Variants in CD3E observed in about 807,000 individuals in gnomAD.
The protein encoded by CD3E is T-cell surface glycoprotein CD3 epsilon chain.
A neutral mutation model predicts 34.7 loss-of-function variants in CD3E; 16 were observed. The observed-to-expected ratio is 0.46, with a 90% CI of 0.31 to 0.70. The LOEUF (loss-of-function observed/expected upper bound fraction) is 0.70. Ranked by LOEUF, CD3E falls within the 30% of genes least tolerant of loss-of-function variation. The probability of loss-of-function intolerance (pLI) is 0.05; values close to 1 mark genes in which losing one functional copy is unlikely to be tolerated. For synonymous variants in CD3E, 70 were observed against 90.8 expected, an observed-to-expected ratio of 0.77 and a Z score of 1.30; for missense variants, 223 against 253.9, an observed-to-expected ratio of 0.88 and a Z score of 0.83.
chr11:118,307,239 G>A (rs202037788), intron 2 of CD3E, 49 bp from the exon 3 acceptor site: 21 of 1,480,808 alleles, frequency 1.4e-5, no homozygotes, highest in East Asian at 2.3e-5. Context: ...TAGGAATGCA[G>A]GTACCCACAA....
chr11:118,314,832 C>T (rs1565511904), intron 8 of CD3E, among the ~76,000 whole-genome samples: 2 of 151,940 alleles, frequency 1.3e-5, no homozygotes, highest in South Asian at 4.2e-4. Context: ...CCAGCATGCA[C>T]CAGTATAGCG....
At chr11:118,313,255 G>C (rs1348627625) in intron 6 of CD3E, 3 of 352,926 alleles carry the variant, frequency 8.5e-6, no homozygotes, top group Non-Finnish European at 1.6e-5. Flanking sequence ...AATGGCATAA[G>C]CTAAGGTATA....
intron 2 of CD3E, 21 bp from the exon 3 acceptor site, chr11:118,307,267 T>C: frequency 6.3e-7 from 1 of 1,598,800 alleles, no homozygotes; most frequent in Non-Finnish European, 8.6e-7. Flanking sequence ...TAACACTTTT[T>C]TTTTCTTATT....
Position 118,304,907 on chromosome 11 carries a change from G to A in CD3E, c.-46G>A, listed in dbSNP as rs756055604. The A allele has an allele frequency of 1.3e-6, 2 of 1,583,518 alleles. No homozygotes were observed. The highest frequency in any genetic ancestry group is 2.2e-5 in the South Asian group (2 of 90,448). On this transcript the variant is annotated 5_prime_UTR_variant, in exon 2 of 9. Coordinates refer to ENST00000361763, the MANE Select transcript of CD3E (RefSeq NM_000733.4). ...CTTTTTTTCCAGAAGTAGTAAGTCT[G>A]CTGGCCTCCGCCATCTTAGTAAAGT...
At position 118,315,698 on chromosome 11, in the gene CD3E, C is replaced by G; in HGVS notation, c.*156C>G. On this transcript the variant is annotated 3_prime_UTR_variant, in exon 9 of 9. Transcript: ENST00000361763. ...CTCCAGCCTGATCCCCCGCTCCCTC[C>G]TCCCTGCCTTCTCTGCTGGTACCCA... 1.4e-6 allele frequency: 1 copy of G among 695,866 alleles called. No homozygotes were observed. Among genetic ancestry groups the G allele is most frequent in the Non-Finnish European group, 2.6e-6 (1 of 385,544 alleles). 43.1% of individuals were successfully genotyped at this position (695,866 alleles called of 1,614,324 possible). A position where few individuals can be genotyped will look rare whatever the true frequency, so the allele number is the denominator to read the frequency against.
rs946824844 is a variant in CD3E at position 118,313,647 on chromosome 11, C to T, written c.353-60C>T. On this transcript the variant is annotated intron_variant, in intron 6 of 8. Coordinates refer to ENST00000361763, the MANE Select transcript of CD3E (RefSeq NM_000733.4). ...GCCTTCATGCACTCCCTCCTCACCT[C>T]CAGCGCCTTGTGTTTTCCTTGCTTA... The T allele has an allele frequency of 2.7e-5, 41 of 1,544,216 alleles. No individual in the cohort carries two copies. The South Asian group carries it at 3.9e-4, about 15-fold the overall frequency.
chr11:118,305,023 G>A (rs1319268659), intron 2 of CD3E, 22 bp downstream of exon 2: 1 of 1,612,136 alleles, frequency 6.2e-7, no homozygotes, highest in Non-Finnish European at 8.5e-7. Context: ...GGAGTGGAAA[G>A]GGTGGTGTGT....
In CD3E at chr11:118,308,440, G is replaced by A. The variant is rs1948119276; in HGVS notation, c.84G>A (p.Met28Ile). ...TTTCCTTTTCAGGTAATGAAGAAAT[G>A]GGTAAGAAGATTTCCACTCTATCTA... The part of the protein sequence containing the change: ...GVWGQDGNEE[M>I]GGITQTPYKV... The change falls in exon 4 of 9, where the codon ATG becomes ATA. Residue 28 changes from methionine (M) to isoleucine (I), a missense_variant and splice_region_variant. Transcript: ENST00000361763. 6.3e-7 allele frequency: 1 copy of A among 1,589,454 alleles called. No homozygotes were observed. Among genetic ancestry groups the A allele is most frequent in the Non-Finnish European group, 8.6e-7 (1 of 1,160,098 alleles).
rs575942416 is a variant in CD3E, at chr11:118,312,786, A to G, written c.272A>G (p.Glu91Gly). The G allele has an allele frequency of 3.7e-6, 6 of 1,614,208 alleles. No homozygotes were observed. Among genetic ancestry groups the G allele is most frequent in the Non-Finnish European group, 5.1e-6 (6 of 1,180,036 alleles). ...TCACTGAAGGAATTTTCAGAATTGG[A>G]GCAAAGTGGTTATTATGTCTGCTAC... The part of the protein sequence containing the change: ...HLSLKEFSEL[E>G]QSGYYVCYPR... Residue 91 changes from glutamate (E) to glycine (G), a missense_variant, in exon 6 of 9, where the codon GAG becomes GGG. Coordinates refer to ENST00000361763, the MANE Select transcript of CD3E (RefSeq NM_000733.4).
intron 4 of CD3E, among the ~76,000 whole-genome samples, chr11:118,311,858 T>C (rs770521230): frequency 5.9e-5 from 9 of 152,220 alleles, no homozygotes; most frequent in Non-Finnish European, 1.0e-4. Flanking sequence ...TTTTCGGCTT[T>C]AGGACTTTAA....
At position 118,313,696 on chromosome 11, in the gene CD3E, A is replaced by T. The variant is rs199933802; in HGVS notation, c.353-11A>T. 835 of 1,609,822 alleles carry T rather than the reference A, an allele frequency of 5.2e-4. 10 individuals carry two copies. In the South Asian group the frequency reaches 8.6e-3, roughly 17 times the overall value. On this transcript the variant is annotated splice_polypyrimidine_tract_variant and intron_variant, in intron 6 of 8. Transcript: ENST00000361763. Reference sequence around the variant, plus strand: ...TAGTGATTTCCCCTCTCCCCACCCCACCCCCCACAGTGTGTGAGAACTGCA... The same window carrying T: ...TAGTGATTTCCCCTCTCCCCACCCCTCCCCCCACAGTGTGTGAGAACTGCA...
intron 4 of CD3E, 85 bp downstream of exon 4, chr11:118,308,526 G>A: frequency 2.3e-6 from 2 of 884,572 alleles, no homozygotes; most frequent in Non-Finnish European, 1.9e-6. Context: ...AACAAACCCT[G>A]AGAACTAAAA....
At chr11:118,312,455 C>A in intron 5 of CD3E, 163 bp from the exon 6 acceptor site, 1 of 834,666 alleles carries the variant, frequency 1.2e-6, no homozygotes, top group East Asian at 2.4e-5. Context: ...TTCCACATAT[C>A]TCCTCTTCCA....
chr11:118,314,705 TGGA>T (rs2134768968), intron 8 of CD3E, among the ~76,000 whole-genome samples: 1 of 152,018 alleles, frequency 6.6e-6, no homozygotes, highest in South Asian at 2.1e-4. Context: ...CATGGAGAGG[TGGA>T]AGCTTGCAGG....
intron 8 of CD3E, among the ~76,000 whole-genome samples, chr11:118,314,812 T>C (rs2134769072): frequency 6.6e-6 from 1 of 152,300 alleles, no homozygotes; most frequent in East Asian, 1.9e-4. Flanking sequence ...AATTCTGGGC[T>C]GATATTCCAC....
At chr11:118,315,461 C>T (rs376024825) in intron 8 of CD3E, 25 bp from the exon 9 acceptor site, 19 of 1,608,424 alleles carry the variant, frequency 1.2e-5, no homozygotes, top group East Asian at 8.9e-5. Context: ...CACCACTGAC[C>T]GCCCCCTCTC....
At chr11:118,311,173 G>A (rs1948133690) in intron 4 of CD3E, among the ~76,000 whole-genome samples, 1 of 152,236 alleles carries the variant, frequency 6.6e-6, no homozygotes, top group African/African-American at 2.4e-5. Context: ...GGCAGATCCA[G>A]GATTCAAACT....
chr11:118,313,054 A>G, intron 6 of CD3E, 188 bp downstream of exon 6: 1 of 704,590 alleles, frequency 1.4e-6, no homozygotes, highest in Non-Finnish European at 2.5e-6. Context: ...ATTAAACACC[A>G]ATATGAGGCT....
chr11:118,314,307 A>G, intron 7 of CD3E, 141 bp from the exon 8 acceptor site: 1 of 722,276 alleles, frequency 1.4e-6, no homozygotes, highest in South Asian at 1.6e-5. Context: ...AAAAAGAGAA[A>G]GGACGTCTGA....
Sources: gnomAD v4.1 joint callset for allele counts (sites outside exome capture counted in the v4.1 genomes callset) on GRCh38, gnomAD v4.1.1 for gene constraint, MANE v1.5 for transcripts, NCBI Gene and HGNC (gene_info 2026-07-23, HGNC 2026-07-21) for gene names.